SPAG16: variants seen among roughly 807,000 people sequenced by gnomAD.
SPAG16 encodes the protein sperm-associated antigen 16 protein.
In SPAG16, 86 loss-of-function variants were observed where a neutral mutation model predicts 80.4. That is an observed-to-expected ratio of 1.07 (90% CI 0.90 to 1.28). SPAG16 has a LOEUF of 1.28. Ranked by LOEUF, SPAG16 falls within the 50% of genes most tolerant of loss-of-function variation. SPAG16 has a pLI of 0.00. For synonymous variants in SPAG16, 294 were observed against 265.9 expected (o/e 1.11, Z -1.03); for missense variants, 870 against 765.3 (o/e 1.14, Z -1.61).
intron 10 of SPAG16, among the ~76,000 whole-genome samples, chr2:213,511,616 A>G (rs1448138295): frequency 2.0e-5 from 3 of 152,128 alleles, no homozygotes; most frequent in Non-Finnish European, 2.9e-5. Context: ...TGTGCTTTGT[A>G]TGTGTATCAT....
rs142609592 is a variant in SPAG16, at chr2:213,384,330, A to C, written c.942+9211A>C. ...AGAATTAATGTGGAAGTTCTGCAAA[A>C]TACCAAGTATGTTCTTTCAACTTGT... On this transcript the variant is annotated intron_variant, in intron 9 of 15. Transcript: ENST00000331683. 6.5e-3 allele frequency among the ~76,000 whole-genome samples: 994 copies of C among 152,300 alleles called. 16 individuals are homozygous for C. The highest frequency in any genetic ancestry group is 0.023 in the African/African-American group (944 of 41,564).
intron 15 of SPAG16, among the ~76,000 whole-genome samples, chr2:214,216,959 A>T (rs1317259455): frequency 6.6e-6 from 1 of 152,258 alleles, no homozygotes; most frequent in Non-Finnish European, 1.5e-5. Context: ...TATGATTAAG[A>T]TAACATTAAA....
At chr2:213,586,239 A>C (rs2060467870) in intron 10 of SPAG16, among the ~76,000 whole-genome samples, 1 of 152,208 alleles carries the variant, frequency 6.6e-6, no homozygotes, top group South Asian at 2.1e-4. Context: ...AGAATACCAT[A>C]AACTGGGTAG....
intron 15 of SPAG16, among the ~76,000 whole-genome samples, chr2:214,316,353 C>T (rs1005775596): frequency 7.9e-5 from 12 of 152,130 alleles, no homozygotes; most frequent in Non-Finnish European, 1.8e-4. Context: ...CATCCCACAT[C>T]GTTTATGGGC....
intron 10 of SPAG16, among the ~76,000 whole-genome samples, chr2:213,567,419 TC>T (rs1438126217): frequency 1.2e-3 from 124 of 103,332 alleles, no homozygotes; most frequent in Admixed American, 3.5e-3. Context: ...AGTGTGATAT[TC>T]CCCTTCCTGT....
At chr2:213,727,822 G>T (rs888726186) in intron 10 of SPAG16, among the ~76,000 whole-genome samples, 1 of 152,182 alleles carries the variant, frequency 6.6e-6, no homozygotes, top group Non-Finnish European at 1.5e-5. Context: ...AGGTGCTTTA[G>T]TCAGATTAGA....
intron 9 of SPAG16, among the ~76,000 whole-genome samples, chr2:213,445,911 G>A (rs1211430393): frequency 6.6e-6 from 1 of 152,194 alleles, no homozygotes; most frequent in African/African-American, 2.4e-5. Flanking sequence ...AAAACCCTGA[G>A]GGACCAGAGA....
In SPAG16 at chr2:214,299,133, A is replaced by G. The variant is rs115502315; in HGVS notation, c.1721-111007A>G. Among the ~76,000 whole-genome samples the G allele has an allele frequency of 6.2e-3, 941 of 152,288 alleles. 9 individuals carry two copies. The highest frequency in any genetic ancestry group is 0.021 in the African/African-American group (892 of 41,554). On this transcript the variant is annotated intron_variant, in intron 15 of 15. Transcript: ENST00000331683. ...GTCAGACAGAGGGTGTGTAGTAAGA[A>G]ATGTTATAGTCAGGAATGAATGTAC...
At chr2:214,162,239 C>T (rs2056469413) in intron 15 of SPAG16, among the ~76,000 whole-genome samples, 1 of 152,098 alleles carries the variant, frequency 6.6e-6, no homozygotes, top group Admixed American at 6.6e-5. Context: ...GGGACATGTC[C>T]TCATAGAATG....
intron 10 of SPAG16, among the ~76,000 whole-genome samples, chr2:213,825,701 C>CTTTTTTTTTTTTTTTTTTTTTTGTTTT (rs2073241953): frequency 9.1e-6 from 1 of 109,798 alleles, no homozygotes. Flanking sequence ...TTCTTTCTTT[C>CTTTTTTTTTTTTTTTTTTTTTTGTTTT]TTTTTTTTTT....
At chr2:213,293,247 A>G (rs928284836) in intron 1 of SPAG16, among the ~76,000 whole-genome samples, 1 of 152,222 alleles carries the variant, frequency 6.6e-6, no homozygotes, top group African/African-American at 2.4e-5. Flanking sequence ...AGCCATGCAG[A>G]ACTATGAGTC....
At chr2:214,324,032 T>C (rs1265798172) in intron 15 of SPAG16, among the ~76,000 whole-genome samples, 4 of 152,210 alleles carry the variant, frequency 2.6e-5, no homozygotes, top group Admixed American at 2.0e-4. Context: ...AAGAATCTGC[T>C]ATAGAGTAAC....
rs184573070 is a variant in SPAG16 at position 214,212,478 on chromosome 2, C to T, written c.1720+63212C>T. The stretch of plus-strand genomic sequence containing the variant: ...ACAGAACTTGGCACTACCTGATACA[C>T]GGGTTACATGTCCATTGTTTGACTC... On this transcript the variant is annotated intron_variant, in intron 15 of 15. Transcript: ENST00000331683. Among the ~76,000 whole-genome samples, 31 of 152,226 alleles carry T rather than the reference C, an allele frequency of 2.0e-4. 1 individual carries two copies. The South Asian group carries it at 2.1e-3, about 10-fold the overall frequency.
chr2:213,587,907 A>G (rs935638214), intron 10 of SPAG16, among the ~76,000 whole-genome samples: 1 of 152,248 alleles, frequency 6.6e-6, no homozygotes, highest in African/African-American at 2.4e-5. Context: ...TATATGATTA[A>G]AACTAAAATT....
intron 10 of SPAG16, among the ~76,000 whole-genome samples, chr2:213,603,646 G>C (rs1198184024): frequency 6.6e-6 from 1 of 152,104 alleles, no homozygotes; most frequent in East Asian, 1.9e-4. Flanking sequence ...ATTTGTGTGG[G>C]GAATGAGATA....
chr2:213,814,440 AC>A (rs2072384381), intron 10 of SPAG16, among the ~76,000 whole-genome samples: 1 of 152,238 alleles, frequency 6.6e-6, no homozygotes, highest in Non-Finnish European at 1.5e-5. Flanking sequence ...AGACAAGTTA[AC>A]ATGTAAAATT....
chr2:213,675,004 G>A (rs1212856438), intron 10 of SPAG16, among the ~76,000 whole-genome samples: 1 of 149,626 alleles, frequency 6.7e-6, no homozygotes, highest in Admixed American at 6.6e-5. Flanking sequence ...CCCACCAACA[G>A]TGTAAAAGTG....
At position 213,579,719 on chromosome 2, in the gene SPAG16, T is replaced by G. The variant is rs892389799; in HGVS notation, c.1070+89629T>G. On this transcript the variant is annotated intron_variant, in intron 10 of 15. Transcript: ENST00000331683. Reference sequence around the variant, plus strand: ...TTGATTTGACTTAAAAGTCTATAATTGTATGTGCAACTTTTCAATAACATG... The same window carrying G: ...TTGATTTGACTTAAAAGTCTATAATGGTATGTGCAACTTTTCAATAACATG... Among the ~76,000 whole-genome samples, 4 of 152,160 alleles carry G rather than the reference T, an allele frequency of 2.6e-5. 1 individual carries two copies. In the South Asian group the frequency reaches 8.3e-4, roughly 31 times the overall value.
chr2:213,499,118 C>T (rs935866647), intron 10 of SPAG16, among the ~76,000 whole-genome samples: 5 of 152,080 alleles, frequency 3.3e-5, no homozygotes, highest in African/African-American at 4.8e-5. Flanking sequence ...GTGTCCTTTG[C>T]TTCTGCACCC....
Sources: gnomAD v4.1 joint callset for allele counts (sites outside exome capture counted in the v4.1 genomes callset) on GRCh38, gnomAD v4.1.1 for gene constraint, MANE v1.5 for transcripts, NCBI Gene and HGNC (gene_info 2026-07-23, HGNC 2026-07-21) for gene names.